Variants in MAP6 observed in about 807,000 individuals in gnomAD.
The protein encoded by MAP6 is microtubule-associated protein 6.
MAP6 carries 26 observed loss-of-function variants against 42.4 expected under a neutral mutation model. That is an observed-to-expected ratio of 0.61 (90% confidence interval 0.45 to 0.85). MAP6 has a LOEUF of 0.85. Ranked by LOEUF, MAP6 falls within the 40% of genes least tolerant of loss-of-function variation. The pLI is 0.00. For missense variants in MAP6, 966 were observed against 1,099.0 expected (o/e 0.88, Z 1.71); for synonymous variants, 418 against 443.8 (o/e 0.94, Z 0.73).
intron 3 of MAP6, among the ~76,000 whole-genome samples, chr11:75,599,878 C>T (rs2135579488): frequency 1.3e-5 from 2 of 152,354 alleles, no homozygotes; most frequent in South Asian, 2.1e-4. Flanking sequence ...TCCCTTTCTC[C>T]TCTGTTACAT....
chr11:75,654,638 A>C (rs943482779), intron 1 of MAP6, among the ~76,000 whole-genome samples: 3 of 152,230 alleles, frequency 2.0e-5, no homozygotes, highest in Non-Finnish European at 4.4e-5. Flanking sequence ...TTCCTGAATG[A>C]GTAAATGAAA....
At chr11:75,651,563 C>T (rs1190103748) in intron 1 of MAP6, among the ~76,000 whole-genome samples, 1 of 152,106 alleles carries the variant, frequency 6.6e-6, no homozygotes, top group East Asian at 1.9e-4. Context: ...CGAAGGGAAC[C>T]CCACACAAAA....
intron 1 of MAP6, among the ~76,000 whole-genome samples, chr11:75,654,933 A>G (rs757943131): frequency 1.3e-5 from 2 of 152,192 alleles, no homozygotes; most frequent in Non-Finnish European, 2.9e-5. Context: ...GGACTCATAA[A>G]ACCATTCCTT....
intron 1 of MAP6, among the ~76,000 whole-genome samples, chr11:75,613,563 T>G (rs1942943800): frequency 6.6e-6 from 1 of 152,046 alleles, no homozygotes; most frequent in Non-Finnish European, 1.5e-5. Context: ...AGGGACAGGG[T>G]GCTCTCTAAC....
chr11:75,591,104 G>A (rs1200747772), intron 3 of MAP6, among the ~76,000 whole-genome samples: 4 of 152,156 alleles, frequency 2.6e-5, no homozygotes, highest in East Asian at 3.9e-4. Flanking sequence ...AATGTGTAAC[G>A]GAATAATTAA....
Position 75,667,530 on chromosome 11 carries a change from G to A in MAP6, c.840C>T (p.Ala280=), listed in dbSNP as rs748133924. The change falls in exon 1 of 4, where the codon GCC becomes GCT. Residue 280 remains alanine (A), a synonymous_variant. Coordinates refer to ENST00000304771, the MANE Select transcript of MAP6 (RefSeq NM_033063.2). This position sits in a 1 kb window ranked among gnomAD's most constrained non-coding sequence, Gnocchi z 5.6. Reference sequence around the variant, plus strand: ...TTTGCCGGTTGAGGGCGTCCGCCGCGGCGCGCCCCCTGCCAGCCTCGGGGC... The same window carrying A: ...TTTGCCGGTTGAGGGCGTCCGCCGCAGCGCGCCCCCTGCCAGCCTCGGGGC... ...ATGPEAGRGR[A]AADALNRQIR... 3 of 1,497,182 alleles carry A rather than the reference G, an allele frequency of 2.0e-6. No individual in the cohort carries two copies. The highest frequency in any genetic ancestry group is 1.2e-5 in the South Asian group (1 of 80,552). 92.7% of individuals were successfully genotyped at this position (1,497,182 alleles called of 1,614,324 possible).
At chr11:75,660,080 C>T (rs1385641036) in intron 1 of MAP6, among the ~76,000 whole-genome samples, 1 of 152,136 alleles carries the variant, frequency 6.6e-6, no homozygotes, top group Non-Finnish European at 1.5e-5. Flanking sequence ...ATGAGGTTTC[C>T]ATGACAAGTT....
Position 75,605,133 on chromosome 11 carries a change from C to A in MAP6, c.1316+675G>T, listed in dbSNP as rs79664125. 4.7e-3 allele frequency: 4,591 copies of A among 985,366 alleles called. 128 individuals are homozygous for A. The East Asian group carries it at 0.12, about 26-fold the overall frequency. The allele number at this position is 985,366 out of a possible 1,614,324, so 61.0% of individuals were successfully genotyped here. A position where few individuals can be genotyped will look rare whatever the true frequency, so the allele number is the denominator to read the frequency against. Reference sequence around the variant, plus strand: ...CCTAACCTTCTTCACCAGCCCTGATCTAGTTTTAGTTATCAGTGGCGTATC... The same window carrying A: ...CCTAACCTTCTTCACCAGCCCTGATATAGTTTTAGTTATCAGTGGCGTATC... On this transcript the variant is annotated intron_variant, in intron 3 of 3. Coordinates refer to ENST00000304771, the MANE Select transcript of MAP6 (RefSeq NM_033063.2).
chr11:75,659,342 C>T (rs1232574055), intron 1 of MAP6, among the ~76,000 whole-genome samples: 8 of 152,082 alleles, frequency 5.3e-5, no homozygotes, highest in Non-Finnish European at 1.0e-4. Flanking sequence ...ATTACCCAGG[C>T]GTGGTGGTGC....
At chr11:75,594,946 A>C (rs1032183827) in intron 3 of MAP6, among the ~76,000 whole-genome samples, 1 of 152,188 alleles carries the variant, frequency 6.6e-6, no homozygotes, top group African/African-American at 2.4e-5. Flanking sequence ...GTGTCTCTTC[A>C]AACCAGAGAG....
chr11:75,586,959 C>T lies in MAP6; in HGVS notation c.*100G>A. On this transcript the variant is annotated 3_prime_UTR_variant, in exon 4 of 4. Transcript: ENST00000304771. The stretch of plus-strand genomic sequence containing the variant: ...TTTTTATTAGATTCCAGCAAGACTA[C>T]TGTACATGTTTCATGCAGATTAAAT... The T allele has an allele frequency of 7.9e-7, 1 of 1,260,124 alleles. No individual in the cohort carries two copies. The highest frequency in any genetic ancestry group is 1.5e-5 in the South Asian group (1 of 65,374). 78.1% of individuals were successfully genotyped at this position (1,260,124 alleles called of 1,614,324 possible).
chr11:75,589,818 T>G (rs1426615274), intron 3 of MAP6, among the ~76,000 whole-genome samples: 1 of 152,256 alleles, frequency 6.6e-6, no homozygotes. Flanking sequence ...GTTTTTCTGT[T>G]TACTTAGAAG....
At chr11:75,593,872 G>A (rs920645292) in intron 3 of MAP6, among the ~76,000 whole-genome samples, 1 of 152,184 alleles carries the variant, frequency 6.6e-6, no homozygotes, top group African/African-American at 2.4e-5. Context: ...CCAGAGAGCT[G>A]GGTTTGAATG....
chr11:75,600,567 TGTTCCA>T (rs1412987829), intron 3 of MAP6, among the ~76,000 whole-genome samples: 1 of 152,192 alleles, frequency 6.6e-6, no homozygotes, highest in Non-Finnish European at 1.5e-5. Context: ...CTGTCTTTCC[TGTTCCA>T]GTGGCCTTGG....
chr11:75,604,912 C>G (rs1330293323), intron 3 of MAP6: 2 of 985,452 alleles, frequency 2.0e-6, no homozygotes, highest in African/African-American at 3.5e-5. Context: ...ATCTACGCCC[C>G]CTTGGGTCTC....
chr11:75,631,267 T>TA (rs2135633770), intron 1 of MAP6, among the ~76,000 whole-genome samples: 1 of 152,352 alleles, frequency 6.6e-6, no homozygotes, highest in South Asian at 2.1e-4. Flanking sequence ...AAGCATGGAC[T>TA]ATGAGAAAGG....
chr11:75,626,278 G>A lies in MAP6; in HGVS notation c.906-17956C>T, dbSNP rs575596031. Reference sequence around the variant, plus strand: ...TGCATAAGAATCATGGAGTAGCAGAGCTGGACAGACATCTGAACACTTTCA... The same window carrying A: ...TGCATAAGAATCATGGAGTAGCAGAACTGGACAGACATCTGAACACTTTCA... On this transcript the variant is annotated intron_variant, in intron 1 of 3. Coordinates refer to ENST00000304771, the MANE Select transcript of MAP6 (RefSeq NM_033063.2). 8.5e-5 allele frequency among the ~76,000 whole-genome samples: 13 copies of A among 152,300 alleles called. No homozygotes were observed. The South Asian group carries it at 1.9e-3, about 22-fold the overall frequency.
chr11:75,590,396 C>T (rs1270043776), intron 3 of MAP6, among the ~76,000 whole-genome samples: 1 of 152,134 alleles, frequency 6.6e-6, no homozygotes, highest in Non-Finnish European at 1.5e-5. Flanking sequence ...CCTGGAGTCT[C>T]CTGCTGGCCT....
intron 3 of MAP6, 24 bp from the exon 4 acceptor site, chr11:75,588,208 A>G: frequency 1.3e-6 from 2 of 1,597,860 alleles, no homozygotes; most frequent in South Asian, 1.1e-5. Flanking sequence ...AGAGGTGATC[A>G]CTGTGAGAGT....
Sources: gnomAD v4.1 joint callset for allele counts (sites outside exome capture counted in the v4.1 genomes callset) on GRCh38, gnomAD v4.1.1 for gene constraint, Gnocchi (gnomAD v3.1) non-coding constraint, MANE v1.5 for transcripts, NCBI Gene and HGNC (gene_info 2026-07-23, HGNC 2026-07-21) for gene names.